The following SNTG1 variants were observed in gnomAD, a reference collection of about 807,000 sequenced individuals.
The protein encoded by SNTG1 is syntrophin gamma 1, also known as gamma-1-syntrophin.
SNTG1 carries 39 observed loss-of-function variants against 74.7 expected under a neutral mutation model. The ratio of observed to expected loss-of-function variants is 0.52; its 90% CI spans 0.40 to 0.68. The LOEUF (loss-of-function observed/expected upper bound fraction) is 0.68, where lower values mean the gene tolerates loss of function less well. Ranked by LOEUF, SNTG1 falls within the 30% of genes least tolerant of loss-of-function variation. The pLI, the probability that SNTG1 is intolerant of heterozygous loss-of-function variation, is 0.00. For synonymous variants in SNTG1, 254 were observed against 217.1 expected (o/e 1.17, Z -1.49); for missense variants, 685 against 609.5 (o/e 1.12, Z -1.30).
chr8:50,492,324 A>G (rs2093864464), intron 8 of SNTG1, among the ~76,000 whole-genome samples: 1 of 152,184 alleles, frequency 6.6e-6, no homozygotes, highest in Non-Finnish European at 1.5e-5. Flanking sequence ...GTCTTCCACA[A>G]TGGTTGAACT....
chr8:50,318,210 A>G (rs927000404), intron 2 of SNTG1, among the ~76,000 whole-genome samples: 5 of 152,062 alleles, frequency 3.3e-5, no homozygotes, highest in African/African-American at 4.8e-5. Flanking sequence ...GTCTCATGTC[A>G]CTTTTGCTAG....
chr8:50,519,581 A>AAGC (rs1290028789), intron 9 of SNTG1, among the ~76,000 whole-genome samples: 1 of 152,224 alleles, frequency 6.6e-6, no homozygotes, highest in African/African-American at 2.4e-5. Flanking sequence ...AAATCTCTTT[A>AAGC]AGCTGATAAG....
chr8:50,678,993 A>G (rs2095320713), intron 15 of SNTG1, among the ~76,000 whole-genome samples: 1 of 152,104 alleles, frequency 6.6e-6, no homozygotes. Flanking sequence ...TATTGGTTAA[A>G]ATGGTTTTTA....
intron 1 of SNTG1, among the ~76,000 whole-genome samples, chr8:50,046,525 CT>C (rs879421694): frequency 6.6e-6 from 1 of 152,114 alleles, no homozygotes; most frequent in Non-Finnish European, 1.5e-5. Flanking sequence ...TAATTCTACT[CT>C]TTTTTAAATA....
chr8:50,208,764 C>G (rs143121149), intron 2 of SNTG1, among the ~76,000 whole-genome samples: 179 of 152,254 alleles, frequency 1.2e-3, no homozygotes, highest in African/African-American at 4.0e-3. Flanking sequence ...CTGGTGGTGA[C>G]AAAATCTCTC....
intron 1 of SNTG1, among the ~76,000 whole-genome samples, chr8:49,969,385 ATCTTTTT>A (rs1385220882): frequency 5.3e-4 from 62 of 116,642 alleles, no homozygotes; most frequent in African/African-American, 2.0e-3. Flanking sequence ...AATTCATTTA[ATCTTTTT>A]TTTTTTTTTT....
intron 3 of SNTG1, 58 bp downstream of exon 3, chr8:50,394,323 CTTGGCTCCAATTTATAT>C: frequency 6.4e-7 from 1 of 1,554,734 alleles, no homozygotes; most frequent in Non-Finnish European, 8.8e-7. Context: ...GCGGGAAACA[CTTGGCTCCAATTTATAT>C]AGGGAAATTC....
At chr8:50,609,234 G>T (rs956258405) in intron 13 of SNTG1, among the ~76,000 whole-genome samples, 1 of 151,962 alleles carries the variant, frequency 6.6e-6, no homozygotes, top group South Asian at 2.1e-4. Context: ...GGAATATTTT[G>T]TAGCTGTGAA....
At chr8:50,417,706 C>T (rs559801291) in intron 4 of SNTG1, among the ~76,000 whole-genome samples, 29 of 152,266 alleles carry the variant, frequency 1.9e-4, no homozygotes, top group African/African-American at 6.7e-4. Context: ...CTCCCATTCT[C>T]ACTCCAAGGT....
chr8:50,742,139 A>T (rs544076559), intron 17 of SNTG1, among the ~76,000 whole-genome samples: 7 of 151,902 alleles, frequency 4.6e-5, no homozygotes, highest in East Asian at 3.9e-4. Context: ...TATTAATTTT[A>T]AAAAAATCAT....
At chr8:50,621,764 C>G (rs1019123907) in intron 13 of SNTG1, among the ~76,000 whole-genome samples, 2 of 151,850 alleles carry the variant, frequency 1.3e-5, no homozygotes, top group Non-Finnish European at 2.9e-5. Flanking sequence ...TAGAAATCAA[C>G]TTGGAAATGA....
intron 1 of SNTG1, among the ~76,000 whole-genome samples, chr8:50,033,098 A>AG (rs1416219499): frequency 6.6e-6 from 1 of 152,000 alleles, no homozygotes; most frequent in African/African-American, 2.4e-5. Flanking sequence ...CACAGTGCTA[A>AG]GGAACTATGC....
At chr8:50,244,967 A>G (rs2086327113) in intron 2 of SNTG1, among the ~76,000 whole-genome samples, 1 of 152,206 alleles carries the variant, frequency 6.6e-6, no homozygotes, top group Non-Finnish European at 1.5e-5. Context: ...AGTATGATTC[A>G]TGTTAATATA....
chr8:49,992,575 T>C (rs1383387171), intron 1 of SNTG1, among the ~76,000 whole-genome samples: 1 of 152,128 alleles, frequency 6.6e-6, no homozygotes, highest in Non-Finnish European at 1.5e-5. Context: ...AGCAACCTTG[T>C]TACCTGGAAA....
chr8:49,958,413 T>C (rs887373225), intron 1 of SNTG1, among the ~76,000 whole-genome samples: 1 of 151,874 alleles, frequency 6.6e-6, no homozygotes, highest in African/African-American at 2.4e-5. Context: ...GTCAACATTT[T>C]CTTTGTTTTC....
chr8:50,163,253 T>A (rs2082488007), intron 1 of SNTG1, among the ~76,000 whole-genome samples: 1 of 152,280 alleles, frequency 6.6e-6, no homozygotes, highest in African/African-American at 2.4e-5. Flanking sequence ...AGAAACTAAA[T>A]CCCATATTCT....
At chr8:50,227,772 GC>G (rs2085408852) in intron 2 of SNTG1, among the ~76,000 whole-genome samples, 1 of 151,640 alleles carries the variant, frequency 6.6e-6, no homozygotes. Flanking sequence ...AACTATGAGA[GC>G]CTTTGACAAC....
intron 8 of SNTG1, among the ~76,000 whole-genome samples, chr8:50,500,740 C>A (rs2093944160): frequency 6.6e-6 from 1 of 152,036 alleles, no homozygotes; most frequent in African/African-American, 2.4e-5. Context: ...TGTTTTAGAG[C>A]TGTTTGGTGC....
chr8:50,178,917 G>T (rs1300367457), intron 2 of SNTG1, among the ~76,000 whole-genome samples: 1 of 152,096 alleles, frequency 6.6e-6, no homozygotes. Flanking sequence ...TTATTGCTAA[G>T]ACCAATATCA....
Sources: gnomAD v4.1 joint callset for allele counts (sites outside exome capture counted in the v4.1 genomes callset) on GRCh38, gnomAD v4.1.1 for gene constraint, MANE v1.5 for transcripts, NCBI Gene and HGNC (gene_info 2026-07-23, HGNC 2026-07-21) for gene names.